TMEM240: variants seen among roughly 807,000 people sequenced by gnomAD.
TMEM240 encodes the protein transmembrane protein C1orf70.
TMEM240 carries 3 observed loss-of-function variants against 19.5 expected under a neutral mutation model. The observed-to-expected ratio is 0.15, with a 90% CI of 0.07 to 0.40. The LOEUF (loss-of-function observed/expected upper bound fraction) is 0.40, where lower values mean the gene tolerates loss of function less well. Ranked by LOEUF, TMEM240 falls within the 10% of genes least tolerant of loss-of-function variation. The pLI, the probability that TMEM240 is intolerant of heterozygous loss-of-function variation, is 1.00. For missense variants in TMEM240, 210 were observed against 253.5 expected (o/e 0.83, Z 1.17); for synonymous variants, 123 against 109.3 (o/e 1.13, Z -0.78).
At chr1:1,537,352 C>T (rs1044349182) in intron 2 of TMEM240, among the ~76,000 whole-genome samples, 1 of 152,270 alleles carries the variant, frequency 6.6e-6, no homozygotes, top group Admixed American at 6.5e-5. Context: ...CGTCCATCGT[C>T]ACCAATGGGC....
rs556903399 is a variant in TMEM240 at position 1,538,679 on chromosome 1, G to A, written c.164+1005C>T. ...CACACGTGAGGGTCACAGACACCCC[G>A]ATCTCTGCCTTCTCTAACACCCGTG... On this transcript the variant is annotated intron_variant, in intron 2 of 3. Coordinates refer to ENST00000378733, the MANE Select transcript of TMEM240 (RefSeq NM_001114748.2). Among the ~76,000 whole-genome samples, 8 of 152,332 alleles carry A rather than the reference G, an allele frequency of 5.3e-5. No homozygotes were observed. In the South Asian group the frequency reaches 1.2e-3, roughly 24 times the overall value.
intron 2 of TMEM240, among the ~76,000 whole-genome samples, chr1:1,537,169 C>T (rs533202356): frequency 6.6e-6 from 1 of 152,202 alleles, no homozygotes; most frequent in East Asian, 1.9e-4. Flanking sequence ...GTCCCCTGCC[C>T]CACGCTCCCC....
Position 1,536,937 on chromosome 1 carries a change from G to GCAAC in TMEM240, c.165-1141_165-1140insGTTG, listed in dbSNP as rs1557489229. ...CCCCCACCTTCCCCTCGGTGACGTA[G>GCAAC]CAGCGCCTCAGCCTGGTTTTCAGCC... On this transcript the variant is annotated intron_variant, in intron 2 of 3. Transcript: ENST00000378733. The surrounding 1 kb of genome is among the most constrained non-coding windows in gnomAD (Gnocchi z 5.4). 6.6e-6 allele frequency among the ~76,000 whole-genome samples: 1 copy of GCAAC among 152,042 alleles called. No homozygotes were observed. Among genetic ancestry groups the GCAAC allele is most frequent in the African/African-American group, 2.4e-5 (1 of 41,398 alleles).
At chr1:1,538,150 A>G (rs1189260007) in intron 2 of TMEM240, among the ~76,000 whole-genome samples, 1 of 152,208 alleles carries the variant, frequency 6.6e-6, no homozygotes, top group Non-Finnish European at 1.5e-5. Context: ...GGCACTGTAT[A>G]TTGTGACATA....
rs997999010 is a variant in TMEM240 at position 1,535,673 on chromosome 1, C to T, written c.289G>A (p.Gly97Ser). ...EIDLMLGLLL[G>S]FCISWFLVWM... ...ACCAGGAACCAGCTGATGCAAAAGC[C>T]CAGCAGCAGCCCCAGCATGAGGTCG... is the stretch of plus-strand genomic sequence containing the variant. Residue 97 changes from glycine (G) to serine (S), a missense_variant, in exon 3 of 4, where the codon GGC (glycine) becomes AGC (serine). Transcript: ENST00000378733. This position sits in a 1 kb window ranked among gnomAD's most constrained non-coding sequence, Gnocchi z 8.2. 6.5e-7 allele frequency: 1 copy of T among 1,550,156 alleles called. No individual in the cohort carries two copies. The highest frequency in any genetic ancestry group is 8.7e-7 in the Non-Finnish European group (1 of 1,146,708).
At chr1:1,537,045 G>C (rs960417869) in intron 2 of TMEM240, among the ~76,000 whole-genome samples, 2 of 151,754 alleles carry the variant, frequency 1.3e-5, no homozygotes, top group Non-Finnish European at 2.9e-5. Context: ...GTCCAACCCA[G>C]GGTCTTGCAG....
chr1:1,540,305 C>A lies in TMEM240; in HGVS notation c.42G>T (p.Gly14=). 2 of 1,342,946 alleles carry A rather than the reference C, an allele frequency of 1.5e-6. No individual in the cohort carries two copies. Among genetic ancestry groups the A allele is most frequent in the South Asian group, 2.0e-5 (1 of 51,192 alleles). The allele number at this position is 1,342,946 out of a possible 1,614,324, so 83.2% of individuals were successfully genotyped here. A position where few individuals can be genotyped will look rare whatever the true frequency, so the allele number is the denominator to read the frequency against. ...CTCCGCTCACCATCACGACCGACGCCCCCAGAATCATGAAGATCATGGTGT... is the reference window on the plus strand; with the variant it reads ...CTCCGCTCACCATCACGACCGACGCACCCAGAATCATGAAGATCATGGTGT... ...SANTMIFMIL[G]ASVVMAIACL... The change falls in exon 1 of 4, where the codon GGG becomes GGT. Residue 14 remains glycine (G), a synonymous_variant. Transcript: ENST00000378733.
rs542478138 is a variant in TMEM240, at chr1:1,536,044, C to T, written c.165-247G>A. On this transcript the variant is annotated intron_variant, in intron 2 of 3. Coordinates refer to ENST00000378733, the MANE Select transcript of TMEM240 (RefSeq NM_001114748.2). This position sits in a 1 kb window ranked among gnomAD's most constrained non-coding sequence, Gnocchi z 5.4. ...CCGAGCGTGAAGTCCGGGCAGACAG[C>T]GGGACCAGCTGCCGGCGAGGGTGTC... Among the ~76,000 whole-genome samples, 2 of 152,186 alleles carry T rather than the reference C, an allele frequency of 1.3e-5. No individual in the cohort carries two copies. The highest frequency in any genetic ancestry group is 2.4e-5 in the African/African-American group (1 of 41,524).
chr1:1,540,474 C>A lies in TMEM240; in HGVS notation c.-128G>T. 1 of 202,734 alleles carries A rather than the reference C, an allele frequency of 4.9e-6. No individual in the cohort carries two copies. Among genetic ancestry groups the A allele is most frequent in the Non-Finnish European group, 8.6e-6 (1 of 116,460 alleles). 12.6% of individuals were successfully genotyped at this position (202,734 alleles called of 1,614,324 possible). On this transcript the variant is annotated 5_prime_UTR_variant, in exon 1 of 4. Coordinates refer to ENST00000378733, the MANE Select transcript of TMEM240 (RefSeq NM_001114748.2). Reference sequence around the variant, plus strand: ...TCCCTGGATCGTCCGCCGCCGCTCGCTGCAACCCCGGCACCGGCCGGGGGG... The same window carrying A: ...TCCCTGGATCGTCCGCCGCCGCTCGATGCAACCCCGGCACCGGCCGGGGGG...
chr1:1,534,913 G>GCCCCCCCCC lies in TMEM240; in HGVS notation c.*445_*446insGGGGGGGGG, dbSNP rs5772044. On this transcript the variant is annotated 3_prime_UTR_variant, in exon 4 of 4. Transcript: ENST00000378733. ...ACCCTGTGGCTGTGCACACGCGGGT[G>GCCCCCCCCC]CTCCCCTCGCCCCCCTCCCCTCCGC... is the stretch of plus-strand genomic sequence containing the variant. 4.0e-5 allele frequency among the ~76,000 whole-genome samples: 6 copies of GCCCCCCCCC among 149,258 alleles called. No individual in the cohort carries two copies. The highest frequency in any genetic ancestry group is 1.3e-4 in the African/African-American group (5 of 39,262).
At position 1,535,428 on chromosome 1, in the gene TMEM240, G is replaced by A. The variant is rs199556012; in HGVS notation, c.453C>T (p.Ala151=). 5.9e-3 allele frequency: 9,211 copies of A among 1,549,496 alleles called. 47 individuals carry two copies. The highest frequency in any genetic ancestry group is 8.9e-3 in the African/African-American group (652 of 73,016). Residue 151 remains alanine (A), a synonymous_variant, in exon 4 of 4, where the codon GCC becomes GCT. Transcript: ENST00000378733. The surrounding 1 kb of genome is among the most constrained non-coding windows in gnomAD (Gnocchi z 8.2). ...GCTTCACGTGTACCATGTTCCCGGC[G>A]GCCTCCTCGAAGGGCCTGTGCGGCC... ...GRRPHRPFEE[A]AGNMVHVKQK...
chr1:1,539,657 T>TG (rs1642270863), intron 2 of TMEM240, 27 bp downstream of exon 2: 4 of 1,537,296 alleles, frequency 2.6e-6, no homozygotes, highest in Non-Finnish European at 2.6e-6. Flanking sequence ...CTCACGCGTG[T>TG]CGAGCCGGCG....
chr1:1,535,915 A>T lies in TMEM240; in HGVS notation c.165-118T>A. 1.4e-5 allele frequency: 6 copies of T among 431,720 alleles called. No individual in the cohort carries two copies. The highest frequency in any genetic ancestry group is 2.7e-5 in the Non-Finnish European group (6 of 219,212). The allele number at this position is 431,720 out of a possible 1,614,324, so 26.7% of individuals were successfully genotyped here. On this transcript the variant is annotated intron_variant, in intron 2 of 3. Transcript: ENST00000378733. This position sits in a 1 kb window ranked among gnomAD's most constrained non-coding sequence, Gnocchi z 8.2. ...TCAGGCCGCCCTGGGGGTTCTCTGAAGCAGCCTCTTGGGCGGGCGGGTCGG... is the reference window on the plus strand; with the variant it reads ...TCAGGCCGCCCTGGGGGTTCTCTGATGCAGCCTCTTGGGCGGGCGGGTCGG...
chr1:1,539,892 C>CGA, intron 1 of TMEM240, 102 bp from the exon 2 acceptor site: 1 of 909,764 alleles, frequency 1.1e-6, no homozygotes, highest in South Asian at 1.6e-5. Context: ...AAGCGGGGAG[C>CGA]GAGAGCGCAG....
chr1:1,535,524 G>A lies in TMEM240; in HGVS notation c.374-17C>T, dbSNP rs1337644446. 9 of 1,539,004 alleles carry A rather than the reference G, an allele frequency of 5.8e-6. No individual in the cohort carries two copies. The highest frequency in any genetic ancestry group is 7.9e-6 in the Non-Finnish European group (9 of 1,141,414). On this transcript the variant is annotated splice_polypyrimidine_tract_variant and intron_variant, in intron 3 of 3. Transcript: ENST00000378733. The surrounding 1 kb of genome is among the most constrained non-coding windows in gnomAD (Gnocchi z 8.2). ...ACGAGCCATCTGCGGGGGGACAGGG[G>A]CGGTCAGGCGGCTGGGGCCGGCCAG...
chr1:1,535,368 C>T lies in TMEM240; in HGVS notation c.513G>A (p.Arg171=), dbSNP rs1642196904. The T allele has an allele frequency of 6.5e-7, 1 of 1,549,486 alleles. No homozygotes were observed. The highest frequency in any genetic ancestry group is 8.7e-7 in the Non-Finnish European group (1 of 1,146,318). Residue 171 remains arginine, a synonymous_variant, in exon 4 of 4, where the codon CGG becomes CGA. Transcript: ENST00000378733. The surrounding 1 kb of genome is among the most constrained non-coding windows in gnomAD (Gnocchi z 8.2). ...TAAGTCCCCGTGCGGCTCACAGGTGCCGCGGGCTGGGGTGGCCATTGTGGT... is the reference window on the plus strand; with the variant it reads ...TAAGTCCCCGTGCGGCTCACAGGTGTCGCGGGCTGGGGTGGCCATTGTGGT... ...KLYHNGHPSP[R]HL
intron 2 of TMEM240, among the ~76,000 whole-genome samples, chr1:1,537,406 C>T (rs886718178): frequency 6.6e-6 from 1 of 152,242 alleles, no homozygotes; most frequent in Admixed American, 6.5e-5. Context: ...CAGAGGCCCT[C>T]AGGGGAGGAA....
rs757069587 is a variant in TMEM240, at chr1:1,540,254, GAGCAGGGGGCGCGCGCGGGA to G, written c.57+16_57+35del. On this transcript the variant is annotated intron_variant, in intron 1 of 3. Transcript: ENST00000378733. ...GGGCCAGGCGGCGCGCGCGGGCGGGGAGCAGGGGGCGCGCGCGGGAAGCCCCTCCGCTCACCATCACGACC... is the reference window on the plus strand; with the variant it reads ...GGGCCAGGCGGCGCGCGCGGGCGGGGAGCCCCTCCGCTCACCATCACGACC... The G allele has an allele frequency of 2.3e-6, 3 of 1,288,102 alleles. No individual in the cohort carries two copies. The South Asian group carries it at 7.2e-5, about 31-fold the overall frequency. 79.8% of individuals were successfully genotyped at this position (1,288,102 alleles called of 1,614,324 possible). A position where few individuals can be genotyped will look rare whatever the true frequency, so the allele number is the denominator to read the frequency against.
chr1:1,538,363 G>C (rs900844193), intron 2 of TMEM240, among the ~76,000 whole-genome samples: 1 of 152,240 alleles, frequency 6.6e-6, no homozygotes, highest in African/African-American at 2.4e-5. Context: ...GCGTGCTCTG[G>C]ACACGGCATG....
Sources: allele counts gnomAD v4.1 joint callset (sites outside exome capture counted in the v4.1 genomes callset), GRCh38; gene constraint gnomAD v4.1.1; non-coding constraint Gnocchi (gnomAD v3.1); transcripts MANE v1.5; gene names NCBI Gene and HGNC (gene_info 2026-07-23, HGNC 2026-07-21).